RXFP1: variants seen among roughly 807,000 people sequenced by gnomAD.
The protein encoded by RXFP1 is relaxin family peptide receptor 1.
RXFP1 carries 73 observed loss-of-function variants against 89.8 expected under a neutral mutation model. The observed-to-expected ratio is 0.81, with a 90% confidence interval of 0.67 to 0.99. The LOEUF (loss-of-function observed/expected upper bound fraction) is 0.99. RXFP1 is among the 50% of genes least tolerant of loss of function. RXFP1 has a pLI of 0.00. For synonymous variants in RXFP1, 277 were observed against 305.5 expected, an observed-to-expected ratio of 0.91 and a Z score of 0.97; for missense variants, 793 against 895.5, an observed-to-expected ratio of 0.89 and a Z score of 1.46.
intron 9 of RXFP1, among the ~76,000 whole-genome samples, chr4:158,624,779 C>T (rs1766371376): frequency 6.6e-6 from 1 of 151,980 alleles, no homozygotes. Flanking sequence ...CATATGTATG[C>T]TCATATACAG....
At chr4:158,610,828 G>A (rs1763443064) in intron 6 of RXFP1, 2 of 623,980 alleles carry the variant, frequency 3.2e-6, no homozygotes, top group East Asian at 6.8e-5. Context: ...GAAGGAAGAG[G>A]CTCTATCATG....
At chr4:158,651,203 T>C (rs1362282947) in intron 17 of RXFP1, among the ~76,000 whole-genome samples, 7 of 152,182 alleles carry the variant, frequency 4.6e-5, no homozygotes, top group African/African-American at 1.4e-4. Flanking sequence ...GGTATTTCTA[T>C]ATATATTAGA....
At chr4:158,567,889 G>A (rs556704019) in intron 1 of RXFP1, among the ~76,000 whole-genome samples, 14 of 152,280 alleles carry the variant, frequency 9.2e-5, no homozygotes, top group African/African-American at 1.4e-4. Context: ...CAACCCGCTC[G>A]GGTCTCCTTC....
intron 1 of RXFP1, among the ~76,000 whole-genome samples, chr4:158,562,847 G>A (rs1164451298): frequency 6.6e-6 from 1 of 152,030 alleles, no homozygotes; most frequent in Non-Finnish European, 1.5e-5. Context: ...ACCAACAAGA[G>A]GCTGATTTGT....
At chr4:158,543,456 G>A (rs911287196) in intron 1 of RXFP1, among the ~76,000 whole-genome samples, 17 of 152,206 alleles carry the variant, frequency 1.1e-4, no homozygotes, top group East Asian at 3.9e-4. Flanking sequence ...GTCCCACCTC[G>A]CTGCCAAGGA....
At chr4:158,559,042 A>G (rs1751906855) in intron 1 of RXFP1, among the ~76,000 whole-genome samples, 1 of 152,278 alleles carries the variant, frequency 6.6e-6, no homozygotes, top group African/African-American at 2.4e-5. Context: ...ATCTGGTTGC[A>G]TAAGTTAAAA....
intron 1 of RXFP1, among the ~76,000 whole-genome samples, chr4:158,548,198 T>C (rs1011913177): frequency 3.5e-4 from 53 of 152,362 alleles, no homozygotes; most frequent in Non-Finnish European, 6.2e-4. Context: ...CCTTTACCAT[T>C]ATGTAATGGC....
At chr4:158,634,860 T>C (rs1561177715) in intron 12 of RXFP1, among the ~76,000 whole-genome samples, 3 of 152,208 alleles carry the variant, frequency 2.0e-5, no homozygotes, top group Admixed American at 1.3e-4. Flanking sequence ...AGTTTATTCC[T>C]GAGCTCTCTA....
In RXFP1 at chr4:158,579,239, C is replaced by T. The variant is rs1267091081; in HGVS notation, c.187+6404C>T. 5.3e-5 allele frequency among the ~76,000 whole-genome samples: 8 copies of T among 152,076 alleles called. No individual in the cohort carries two copies. In the East Asian group the frequency reaches 1.4e-3, roughly 26 times the overall value. On this transcript the variant is annotated intron_variant, in intron 2 of 17. Coordinates refer to ENST00000307765, the MANE Select transcript of RXFP1 (RefSeq NM_021634.4). ...CACCTTGGTTGCAGACGTCTGGCCT[C>T]CAGAACTGTGAGAGAACAAACTTCT...
intron 2 of RXFP1, among the ~76,000 whole-genome samples, chr4:158,588,035 G>A (rs10014194): frequency 0.077 from 11,753 of 152,134 alleles, 1,451 homozygotes; most frequent in African/African-American, 0.27. Context: ...AAGGAAGACA[G>A]TCCAATGCCA....
chr4:158,597,567 T>G (rs555480250), intron 3 of RXFP1, among the ~76,000 whole-genome samples: 40 of 152,340 alleles, frequency 2.6e-4, no homozygotes, highest in African/African-American at 9.1e-4. Context: ...ATATTCCATG[T>G]AATAGTATAT....
At chr4:158,567,227 C>A (rs568702390) in intron 1 of RXFP1, among the ~76,000 whole-genome samples, 5 of 152,332 alleles carry the variant, frequency 3.3e-5, no homozygotes, top group African/African-American at 9.6e-5. Flanking sequence ...CCCCGACGAC[C>A]ATGGCCCCCT....
intron 17 of RXFP1, among the ~76,000 whole-genome samples, chr4:158,650,448 T>C (rs188030116): frequency 2.0e-5 from 3 of 149,038 alleles, no homozygotes; most frequent in African/African-American, 7.4e-5. Context: ...TATATATATA[T>C]ATAATGCAGT....
chr4:158,623,979 T>C (rs1354087162), intron 9 of RXFP1, among the ~76,000 whole-genome samples: 1 of 151,548 alleles, frequency 6.6e-6, no homozygotes, highest in Non-Finnish European at 1.5e-5. Context: ...CAACTCTAGA[T>C]TTTTTTTTCC....
chr4:158,647,292 A>G lies in RXFP1; in HGVS notation c.1756+91A>G, dbSNP rs185887879. 314 of 1,027,448 alleles carry G rather than the reference A, an allele frequency of 3.1e-4. No individual in the cohort carries two copies. In the African/African-American group the frequency reaches 4.6e-3, roughly 15 times the overall value. 63.6% of individuals were successfully genotyped at this position (1,027,448 alleles called of 1,614,324 possible). On this transcript the variant is annotated intron_variant, in intron 16 of 17. Coordinates refer to ENST00000307765, the MANE Select transcript of RXFP1 (RefSeq NM_021634.4). The stretch of plus-strand genomic sequence containing the variant: ...TAAGAATGAGGGTGAATTCTATCAG[A>G]ATCCCCAGCAAGGATTTTCCTCCCC...
At chr4:158,527,087 C>G (rs1181924925) in intron 1 of RXFP1, among the ~76,000 whole-genome samples, 1 of 152,074 alleles carries the variant, frequency 6.6e-6, no homozygotes, top group East Asian at 1.9e-4. Flanking sequence ...ACATGATTAG[C>G]TACAAATGAA....
At chr4:158,555,931 A>T (rs1291639130) in intron 1 of RXFP1, among the ~76,000 whole-genome samples, 1 of 152,236 alleles carries the variant, frequency 6.6e-6, no homozygotes, top group African/African-American at 2.4e-5. Context: ...AAACCAACTC[A>T]AAATGAATTC....
intron 5 of RXFP1, among the ~76,000 whole-genome samples, chr4:158,605,516 A>G (rs1352704485): frequency 6.6e-6 from 1 of 152,234 alleles, no homozygotes; most frequent in Non-Finnish European, 1.5e-5. Flanking sequence ...CGATGAAGAA[A>G]GTGAAGAATT....
intron 2 of RXFP1, among the ~76,000 whole-genome samples, chr4:158,586,888 T>C (rs1205910029): frequency 2.0e-5 from 3 of 150,532 alleles, no homozygotes; most frequent in Non-Finnish European, 2.9e-5. Flanking sequence ...TATCTATTAA[T>C]GGTAAAAAAA....
Sources: gnomAD v4.1 joint callset for allele counts (sites outside exome capture counted in the v4.1 genomes callset) on GRCh38, gnomAD v4.1.1 for gene constraint, MANE v1.5 for transcripts, NCBI Gene and HGNC (gene_info 2026-07-23, HGNC 2026-07-21) for gene names.